The following ST3GAL3 variants were observed in gnomAD, a reference collection of about 807,000 sequenced individuals.
ST3GAL3 encodes ST3 beta-galactoside alpha-2,3-sialyltransferase 3.
A neutral mutation model predicts 50.1 loss-of-function variants in ST3GAL3; 21 were observed. The observed-to-expected ratio is 0.42, with a 90% CI of 0.30 to 0.60. The LOEUF is 0.60. Among genes scored for constraint, ST3GAL3 ranks in the 20% least tolerant of loss-of-function variants. ST3GAL3 has a pLI of 0.19. For synonymous variants in ST3GAL3, 183 were observed against 190.0 expected (o/e 0.96, Z 0.30); for missense variants, 353 against 489.4 (o/e 0.72, Z 2.63).
At chr1:43,755,629 T>C (rs1687743251) in intron 2 of ST3GAL3, among the ~76,000 whole-genome samples, 2 of 152,188 alleles carry the variant, frequency 1.3e-5, no homozygotes, top group South Asian at 4.1e-4. Context: ...TCAAATGATA[T>C]GCAGTTGTTA....
chr1:43,853,076 C>T (rs879654043), intron 5 of ST3GAL3, among the ~76,000 whole-genome samples: 7 of 152,082 alleles, frequency 4.6e-5, no homozygotes, highest in Admixed American at 1.3e-4. Flanking sequence ...ATTTTCCTGC[C>T]AATATTTTGC....
At chr1:43,866,667 C>G (rs752689060) in intron 5 of ST3GAL3, among the ~76,000 whole-genome samples, 1 of 151,678 alleles carries the variant, frequency 6.6e-6, no homozygotes, top group Non-Finnish European at 1.5e-5. Flanking sequence ...AATACATAAA[C>G]TGAGAACATG....
intron 5 of ST3GAL3, chr1:43,850,531 G>A (rs1247958246): frequency 1.5e-6 from 1 of 675,748 alleles, no homozygotes; most frequent in African/African-American, 1.8e-5. Context: ...GTCAGTGCTG[G>A]GTTCCCCAGC....
At chr1:43,918,353 A>G (rs2082436624) in intron 9 of ST3GAL3, among the ~76,000 whole-genome samples, 1 of 151,622 alleles carries the variant, frequency 6.6e-6, no homozygotes, top group Admixed American at 6.6e-5. Flanking sequence ...CCTGGGCTCA[A>G]GCAATCCACC....
chr1:43,785,444 A>T (rs554016787), intron 2 of ST3GAL3, among the ~76,000 whole-genome samples: 3 of 152,236 alleles, frequency 2.0e-5, no homozygotes, highest in African/African-American at 7.2e-5. Context: ...GACAGCTTCA[A>T]TGTAGCAAGA....
chr1:43,876,207 G>T (rs1023272458), intron 5 of ST3GAL3, among the ~76,000 whole-genome samples: 1 of 151,874 alleles, frequency 6.6e-6, no homozygotes, highest in Non-Finnish European at 1.5e-5. Flanking sequence ...CAAGCAATCC[G>T]CCCGCCTCGG....
chr1:43,826,268 A>G (rs1208709242), intron 4 of ST3GAL3, among the ~76,000 whole-genome samples: 3 of 152,136 alleles, frequency 2.0e-5, no homozygotes, highest in East Asian at 3.8e-4. Flanking sequence ...AAAACAAAAG[A>G]AAAAGGATAA....
In ST3GAL3 at chr1:43,899,101, A is replaced by G. The variant is rs755036966; in HGVS notation, c.462-67A>G. 345 of 1,610,220 alleles carry G rather than the reference A, an allele frequency of 2.1e-4. No individual in the cohort carries two copies. Among genetic ancestry groups the G allele is most frequent in the Non-Finnish European group, 2.9e-4 (341 of 1,178,846 alleles). On this transcript the variant is annotated intron_variant, in intron 7 of 11. Transcript: ENST00000347631. The surrounding 1 kb of genome is among the most constrained non-coding windows in gnomAD (Gnocchi z 5.4). ...GGACAAGGGCGTGGGGTCAAGGGCC[A>G]AAGGAGCAGGGAAAGAGACCTGGTG...
At chr1:43,763,556 G>A (rs1691367361) in intron 2 of ST3GAL3, among the ~76,000 whole-genome samples, 1 of 152,318 alleles carries the variant, frequency 6.6e-6, no homozygotes, top group South Asian at 2.1e-4. Flanking sequence ...TGGCTGCCAA[G>A]TGCCTTTATA....
At chr1:43,857,469 C>T (rs980798545) in intron 5 of ST3GAL3, among the ~76,000 whole-genome samples, 1 of 129,326 alleles carries the variant, frequency 7.7e-6, no homozygotes, top group Non-Finnish European at 1.7e-5. Context: ...GTGTATTTCC[C>T]TCCTTCCTTC....
intron 1 of ST3GAL3, among the ~76,000 whole-genome samples, chr1:43,729,985 T>G (rs1443661811): frequency 2.0e-5 from 3 of 152,254 alleles, no homozygotes; most frequent in Non-Finnish European, 2.9e-5. Flanking sequence ...TTCTAGAATG[T>G]GTCAGACTTT....
At chr1:43,872,894 G>A (rs2073297671) in intron 5 of ST3GAL3, among the ~76,000 whole-genome samples, 1 of 152,198 alleles carries the variant, frequency 6.6e-6, no homozygotes, top group Admixed American at 6.5e-5. Flanking sequence ...AAGGAAATCA[G>A]GGAAGGCCAT....
intron 2 of ST3GAL3, among the ~76,000 whole-genome samples, chr1:43,764,016 A>C (rs1037009987): frequency 6.6e-6 from 1 of 152,222 alleles, no homozygotes; most frequent in Non-Finnish European, 1.5e-5. Context: ...ACTGTCATTT[A>C]TTCAATGAGA....
intron 9 of ST3GAL3, among the ~76,000 whole-genome samples, chr1:43,915,828 G>A (rs941451099): frequency 6.6e-6 from 1 of 152,218 alleles, no homozygotes; most frequent in African/African-American, 2.4e-5. Context: ...GAGAGAAAGT[G>A]GTTTGAGAGG....
At chr1:43,897,802 C>G (rs1214795799) in intron 6 of ST3GAL3, among the ~76,000 whole-genome samples, 1 of 152,214 alleles carries the variant, frequency 6.6e-6, no homozygotes, top group Non-Finnish European at 1.5e-5. Context: ...TCATTTGTTT[C>G]CTGGTATCTG....
intron 1 of ST3GAL3, among the ~76,000 whole-genome samples, chr1:43,734,008 G>A (rs1224566504): frequency 2.6e-5 from 4 of 152,144 alleles, no homozygotes; most frequent in Non-Finnish European, 5.9e-5. Context: ...TACTCGGGAG[G>A]CTGAGGCAGG....
chr1:43,927,417 A>G (rs2154299296), intron 11 of ST3GAL3, among the ~76,000 whole-genome samples: 1 of 152,320 alleles, frequency 6.6e-6, no homozygotes, highest in African/African-American at 2.4e-5. Context: ...AAAAACATGA[A>G]CAGTAATTCC....
At chr1:43,779,262 A>T (rs916706931) in intron 2 of ST3GAL3, among the ~76,000 whole-genome samples, 2 of 152,174 alleles carry the variant, frequency 1.3e-5, no homozygotes, top group Non-Finnish European at 2.9e-5. Context: ...CAGACTCTTC[A>T]TTGGCCCTAT....
At chr1:43,884,146 T>A (rs896619011) in intron 5 of ST3GAL3, among the ~76,000 whole-genome samples, 2 of 152,202 alleles carry the variant, frequency 1.3e-5, no homozygotes, top group Non-Finnish European at 2.9e-5. Flanking sequence ...GGCAAGCAGT[T>A]GTTGGATGGG....
Sources: allele counts gnomAD v4.1 joint callset (sites outside exome capture counted in the v4.1 genomes callset), GRCh38; gene constraint gnomAD v4.1.1; non-coding constraint Gnocchi (gnomAD v3.1); transcripts MANE v1.5; gene names NCBI Gene and HGNC (gene_info 2026-07-23, HGNC 2026-07-21).